Variants in ARHGEF7 observed in about 807,000 individuals in gnomAD.
ARHGEF7 encodes Rho guanine nucleotide exchange factor 7.
In ARHGEF7, 33 loss-of-function variants were observed where a neutral mutation model predicts 109.8. The ratio of observed to expected loss-of-function variants is 0.30; its 90% CI spans 0.23 to 0.40. The LOEUF is 0.40. Among genes scored for constraint, ARHGEF7 ranks in the 10% least tolerant of loss-of-function variants. The pLI is 1.00. For missense variants in ARHGEF7, 938 were observed against 1,098.5 expected, an observed-to-expected ratio of 0.85 and a Z score of 2.07; for synonymous variants, 458 against 424.6, an observed-to-expected ratio of 1.08 and a Z score of -0.97.
At position 111,189,833 on chromosome 13, in the gene ARHGEF7, TTTTAGCTAGACA is replaced by T. The variant is rs559998882; in HGVS notation, c.253-15455_253-15444del. On this transcript the variant is annotated intron_variant, in intron 2 of 21. Transcript: ENST00000646102. ...AGTGCTGATTGGTGTGTTTACAGAC[TTTTAGCTAGACA>T]CAGAGTGCTTATTGGTGTGTTTACA... Among the ~76,000 whole-genome samples, 364 of 152,312 alleles carry T rather than the reference TTTTAGCTAGACA, an allele frequency of 2.4e-3. 1 individual carries two copies. Among genetic ancestry groups the T allele is most frequent in the East Asian group, 0.019 (97 of 5,182 alleles).
At chr13:111,288,677 A>C (rs898814551) in intron 18 of ARHGEF7, among the ~76,000 whole-genome samples, 2 of 152,194 alleles carry the variant, frequency 1.3e-5, no homozygotes, top group Non-Finnish European at 2.9e-5. Context: ...TTTCTAGATA[A>C]AATTATACTA....
intron 6 of ARHGEF7, among the ~76,000 whole-genome samples, chr13:111,242,010 G>A (rs1277269631): frequency 1.3e-5 from 2 of 152,106 alleles, no homozygotes; most frequent in Non-Finnish European, 2.9e-5. Context: ...CTGGCATCAC[G>A]GTTTACCTCT....
chr13:111,170,009 C>T (rs1054268818), intron 2 of ARHGEF7, among the ~76,000 whole-genome samples: 4 of 150,434 alleles, frequency 2.7e-5, no homozygotes, highest in African/African-American at 1.0e-4. Flanking sequence ...GCAGAGGTGA[C>T]GCTTTTAGAG....
At chr13:111,128,901 G>A (rs1216453683) in intron 1 of ARHGEF7, among the ~76,000 whole-genome samples, 1 of 152,178 alleles carries the variant, frequency 6.6e-6, no homozygotes, top group African/African-American at 2.4e-5. Context: ...TCTATGGAAA[G>A]GCAAAGGGCC....
rs2091767822 is a variant in ARHGEF7 at position 111,267,586 on chromosome 13, T to C, written c.989T>C (p.Leu330Ser). 5 of 1,614,054 alleles carry C rather than the reference T, an allele frequency of 3.1e-6. No homozygotes were observed. The highest frequency in any genetic ancestry group is 4.2e-6 in the Non-Finnish European group (5 of 1,179,994). Reference sequence around the variant, plus strand: ...CAGCAGAGAGTCGGAGGCTGCTTTTTAAACCTGATGCCACAGATGAAAACC... The same window carrying C: ...CAGCAGAGAGTCGGAGGCTGCTTTTCAAACCTGATGCCACAGATGAAAACC... ...EAQQRVGGCF[L>S]NLMPQMKTLY... is the part of the protein sequence containing the mutation. Residue 330 changes from leucine (L) to serine (S), a missense_variant, in exon 9 of 22, where the codon TTA (leucine) becomes TCA (serine). Leu to Ser is a moderately radical substitution (Grantham distance 145). This residue lies in a region of ARHGEF7 where 585 missense variants were observed against 723.6 expected (regional missense o/e 0.81). Coordinates refer to ENST00000646102, the MANE Select transcript of ARHGEF7 (RefSeq NM_001354046.2).
intron 1 of ARHGEF7, among the ~76,000 whole-genome samples, chr13:111,152,048 T>C (rs1272120183): frequency 1.3e-5 from 2 of 152,216 alleles, no homozygotes; most frequent in African/African-American, 4.8e-5. Flanking sequence ...AGTTCATAAA[T>C]ACAGACTCTT....
At chr13:111,205,983 A>T (rs547731048) in intron 3 of ARHGEF7, among the ~76,000 whole-genome samples, 1 of 152,270 alleles carries the variant, frequency 6.6e-6, no homozygotes, top group African/African-American at 2.4e-5. Context: ...CATGTTGTCC[A>T]TGATGCCAAG....
chr13:111,297,756 C>T (rs923877160), intron 19 of ARHGEF7, among the ~76,000 whole-genome samples: 2 of 152,150 alleles, frequency 1.3e-5, no homozygotes, highest in Admixed American at 6.5e-5. Flanking sequence ...AAGTCGACCC[C>T]GTGTCTGACC....
chr13:111,232,982 C>T (rs1410659460), intron 5 of ARHGEF7, among the ~76,000 whole-genome samples: 1 of 152,048 alleles, frequency 6.6e-6, no homozygotes, highest in Non-Finnish European at 1.5e-5. Context: ...ACTGGGAGAA[C>T]AGGGTGGGGA....
chr13:111,235,908 TA>T (rs1335908613), intron 6 of ARHGEF7, among the ~76,000 whole-genome samples: 4 of 152,198 alleles, frequency 2.6e-5, no homozygotes, highest in Admixed American at 6.5e-5. Flanking sequence ...CCAATGGTGT[TA>T]AGGAAATTTA....
intron 2 of ARHGEF7, among the ~76,000 whole-genome samples, chr13:111,198,031 G>A (rs1029995407): frequency 2.0e-5 from 3 of 152,042 alleles, no homozygotes; most frequent in African/African-American, 7.2e-5. Context: ...TTGGGACCCC[G>A]GAGTTGAATG....
Position 111,221,369 on chromosome 13 carries a change from A to ATATC in ARHGEF7, c.670+3492_670+3493insCTAT, listed in dbSNP as rs1555372342. ...TATATATGTCTATATATATATCTAT[A>ATATC]TATATATCTATATATATAGATGTCT... is the stretch of plus-strand genomic sequence containing the variant. On this transcript the variant is annotated intron_variant, in intron 5 of 21. Transcript: ENST00000646102. Among the ~76,000 whole-genome samples, 7 of 31,370 alleles carry ATATC rather than the reference A, an allele frequency of 2.2e-4. 2 individuals are homozygous for ATATC. Among genetic ancestry groups the ATATC allele is most frequent in the African/African-American group, 9.0e-4 (7 of 7,740 alleles). 20.6% of individuals were successfully genotyped at this position (31,370 alleles called of 152,430 possible). A position where few individuals can be genotyped will look rare whatever the true frequency, so the allele number is the denominator to read the frequency against.
intron 2 of ARHGEF7, among the ~76,000 whole-genome samples, chr13:111,201,618 G>A (rs1487532233): frequency 1.3e-5 from 2 of 152,178 alleles, no homozygotes; most frequent in East Asian, 1.9e-4. Context: ...GTGAGATTTG[G>A]TGTGCCCTTT....
At chr13:111,167,452 G>A (rs1249798388) in intron 2 of ARHGEF7, among the ~76,000 whole-genome samples, 1 of 152,042 alleles carries the variant, frequency 6.6e-6, no homozygotes, top group African/African-American at 2.4e-5. Flanking sequence ...TTTCCATATT[G>A]TATCCTGGCA....
At chr13:111,124,435 C>G (rs1277312371) in intron 1 of ARHGEF7, among the ~76,000 whole-genome samples, 1 of 152,266 alleles carries the variant, frequency 6.6e-6, no homozygotes, top group Non-Finnish European at 1.5e-5. Flanking sequence ...CCATCTGCTG[C>G]CTATCAGAGC....
Position 111,273,231 on chromosome 13 carries a change from T to TA in ARHGEF7, c.1074-580dup, listed in dbSNP as rs2092287055. 6.6e-6 allele frequency among the ~76,000 whole-genome samples: 1 copy of TA among 152,192 alleles called. No individual in the cohort carries two copies. The highest frequency in any genetic ancestry group is 1.5e-5 in the Non-Finnish European group (1 of 68,024). On this transcript the variant is annotated intron_variant, in intron 9 of 21. Transcript: ENST00000646102. This position sits in a 1 kb window ranked among gnomAD's most constrained non-coding sequence, Gnocchi z 4.5. ...CCTCACGTATTGTGAGGATTAAACT[T>TA]AAAGCTTTTGAAGTTCTGAAGCCTA...
At chr13:111,240,003 A>G (rs1382213409) in intron 6 of ARHGEF7, among the ~76,000 whole-genome samples, 1 of 152,194 alleles carries the variant, frequency 6.6e-6, no homozygotes, top group Non-Finnish European at 1.5e-5. Flanking sequence ...ATGCCTTCCT[A>G]CTATAAGCCA....
intron 8 of ARHGEF7, among the ~76,000 whole-genome samples, chr13:111,250,656 GC>G (rs1455230146): frequency 6.6e-6 from 1 of 152,158 alleles, no homozygotes; most frequent in African/African-American, 2.4e-5. Context: ...CCACGAGACT[GC>G]CACATTTCAA....
intron 5 of ARHGEF7, among the ~76,000 whole-genome samples, chr13:111,230,556 C>G (rs1016492341): frequency 6.6e-6 from 1 of 152,212 alleles, no homozygotes; most frequent in African/African-American, 2.4e-5. Flanking sequence ...GTGGGGCAAG[C>G]AAGGAGCTTT....
Sources: gnomAD v4.1 joint callset for allele counts (sites outside exome capture counted in the v4.1 genomes callset) on GRCh38, gnomAD v4.1.1 for gene constraint, gnomAD v4.1.1 regional missense constraint, Gnocchi (gnomAD v3.1) non-coding constraint, MANE v1.5 for transcripts, NCBI Gene and HGNC (gene_info 2026-07-23, HGNC 2026-07-21) for gene names.